MRPS7: variants seen among roughly 807,000 people sequenced by gnomAD.
MRPS7 encodes mitochondrial ribosomal protein S7.
In MRPS7, 13 loss-of-function variants were observed where a neutral mutation model predicts 26.2. The observed-to-expected ratio is 0.50, with a 90% CI of 0.32 to 0.79. The LOEUF (loss-of-function observed/expected upper bound fraction) is 0.79. MRPS7 is among the 30% of genes least tolerant of loss of function. The pLI is 0.03. For missense variants in MRPS7, 318 were observed against 312.2 expected, an observed-to-expected ratio of 1.02 and a Z score of -0.14; for synonymous variants, 129 against 113.3, an observed-to-expected ratio of 1.14 and a Z score of -0.88.
intron 3 of MRPS7, 68 bp downstream of exon 3, chr17:75,262,935 T>G: frequency 6.8e-7 from 1 of 1,468,856 alleles, no homozygotes; most frequent in Non-Finnish European, 9.5e-7. Flanking sequence ...ACTTGGTACT[T>G]TCAGTGTAGC....
chr17:75,262,253 G>T, intron 1 of MRPS7: 1 of 634,570 alleles, frequency 1.6e-6, no homozygotes, highest in South Asian at 1.9e-5. Flanking sequence ...GAATTGGGAT[G>T]GGTGTGTAGG....
At chr17:75,264,596 C>T (rs1177309063) in intron 4 of MRPS7, 1 of 151,998 alleles carries the variant, frequency 6.6e-6, no homozygotes, top group Non-Finnish European at 1.5e-5. Flanking sequence ...TAGTGAGGGC[C>T]TGACAAATGA....
At chr17:75,265,103 G>A (rs547638560) in intron 4 of MRPS7, among the ~76,000 whole-genome samples, 4 of 151,966 alleles carry the variant, frequency 2.6e-5, no homozygotes, top group Admixed American at 2.0e-4. Flanking sequence ...GTGCAGTGGT[G>A]CATTCTTGGC....
Position 75,265,964 on chromosome 17 carries a change from A to G in MRPS7, c.*41A>G. ...CCCAGGGCCCTCTGCCGCAAGAAACAGTGTGAGCTACTGCCACGCTGAAAA... is the reference window on the plus strand; with the variant it reads ...CCCAGGGCCCTCTGCCGCAAGAAACGGTGTGAGCTACTGCCACGCTGAAAA... On this transcript the variant is annotated 3_prime_UTR_variant, in exon 5 of 5. Transcript: ENST00000245539. The G allele has an allele frequency of 6.3e-7, 1 of 1,586,170 alleles. No individual in the cohort carries two copies. Among genetic ancestry groups the G allele is most frequent in the Non-Finnish European group, 8.6e-7 (1 of 1,158,752 alleles).
chr17:75,265,963 CAG>C lies in MRPS7; in HGVS notation c.*41_*42del, dbSNP rs1244095289. 1.3e-6 allele frequency: 2 copies of C among 1,588,004 alleles called. No individual in the cohort carries two copies. Among genetic ancestry groups the C allele is most frequent in the Admixed American group, 1.7e-5 (1 of 59,492 alleles). On this transcript the variant is annotated 3_prime_UTR_variant, in exon 5 of 5. Transcript: ENST00000245539. ...GCCCAGGGCCCTCTGCCGCAAGAAA[CAG>C]TGTGAGCTACTGCCACGCTGAAAAC...
At position 75,261,893 on chromosome 17, in the gene MRPS7, C is replaced by T. The variant is rs745826565; in HGVS notation, c.-8C>T. On this transcript the variant is annotated 5_prime_UTR_variant, in exon 1 of 5. Coordinates refer to ENST00000245539, the MANE Select transcript of MRPS7 (RefSeq NM_015971.4). Reference sequence around the variant, plus strand: ...GCAGTCCTTGTGGGGTCCTCGTGGCCAGCCAAGATGGCTGCCCCCGCAGTG... The same window carrying T: ...GCAGTCCTTGTGGGGTCCTCGTGGCTAGCCAAGATGGCTGCCCCCGCAGTG... 2 of 1,607,728 alleles carry T rather than the reference C, an allele frequency of 1.2e-6. No individual in the cohort carries two copies. The highest frequency in any genetic ancestry group is 1.3e-5 in the African/African-American group (1 of 74,922).
In MRPS7 at chr17:75,266,122, C is replaced by T; in HGVS notation, c.*199C>T. The T allele has an allele frequency of 1.7e-6, 1 of 597,466 alleles. No homozygotes were observed. 37.0% of individuals were successfully genotyped at this position (597,466 alleles called of 1,614,324 possible). A position where few individuals can be genotyped will look rare whatever the true frequency, so the allele number is the denominator to read the frequency against. On this transcript the variant is annotated 3_prime_UTR_variant, in exon 5 of 5. Transcript: ENST00000245539. ...AACTTGCTCTCTCTGCCCCTATTTC[C>T]TTGTAAAGAGGGAGCACATTGACTT...
Position 75,265,688 on chromosome 17 carries a change from C to T in MRPS7, c.508-14C>T. The T allele has an allele frequency of 6.2e-7, 1 of 1,611,598 alleles. No homozygotes were observed. Among genetic ancestry groups the T allele is most frequent in the Non-Finnish European group, 8.5e-7 (1 of 1,178,216 alleles). ...GACTCTTGGACCAACTTGCCTATGT[C>T]CTGTCTCACCCAGGTCCCTGTACCC... On this transcript the variant is annotated splice_polypyrimidine_tract_variant and intron_variant, in intron 4 of 4. Coordinates refer to ENST00000245539, the MANE Select transcript of MRPS7 (RefSeq NM_015971.4).
In MRPS7 at chr17:75,265,955, G is replaced by C; in HGVS notation, c.*32G>C. On this transcript the variant is annotated 3_prime_UTR_variant, in exon 5 of 5. Transcript: ENST00000245539. ...CAGGAGGAGCCCAGGGCCCTCTGCCGCAAGAAACAGTGTGAGCTACTGCCA... is the reference window on the plus strand; with the variant it reads ...CAGGAGGAGCCCAGGGCCCTCTGCCCCAAGAAACAGTGTGAGCTACTGCCA... The C allele has an allele frequency of 6.3e-7, 1 of 1,596,188 alleles. No homozygotes were observed. Among genetic ancestry groups the C allele is most frequent in the African/African-American group, 1.3e-5 (1 of 74,654 alleles).
Position 75,266,015 on chromosome 17 carries a change from C to T in MRPS7, c.*92C>T. ...CTACCTGTGGGTTAAGGATGTAGTTCCTTTGTAAGGGTGGGCAGGCCTCGT... is the reference window on the plus strand; with the variant it reads ...CTACCTGTGGGTTAAGGATGTAGTTTCTTTGTAAGGGTGGGCAGGCCTCGT... On this transcript the variant is annotated 3_prime_UTR_variant, in exon 5 of 5. Transcript: ENST00000245539. The T allele has an allele frequency of 8.3e-7, 1 of 1,208,630 alleles. No individual in the cohort carries two copies. The highest frequency in any genetic ancestry group is 1.2e-6 in the Non-Finnish European group (1 of 844,122). 74.9% of individuals were successfully genotyped at this position (1,208,630 alleles called of 1,614,324 possible). A position where few individuals can be genotyped will look rare whatever the true frequency, so the allele number is the denominator to read the frequency against.
Position 75,265,861 on chromosome 17 carries a change from A to G in MRPS7, c.667A>G (p.Lys223Glu). 6.2e-7 allele frequency: 1 copy of G among 1,614,102 alleles called. No homozygotes were observed. The highest frequency in any genetic ancestry group is 8.5e-7 in the Non-Finnish European group (1 of 1,180,032). ...TAACCAGGGCCCCGTGATCAAGAGG[A>G]AGCATGACTTGCACAAGATGGCAGA... ...FHNQGPVIKRKHDLHKMAEAN... is the reference protein window; with the variant it reads ...FHNQGPVIKREHDLHKMAEAN... The change falls in exon 5 of 5, where the codon AAG becomes GAG. Residue 223 changes from lysine (K) to glutamate (E), a missense_variant. By Grantham distance (56) the Lys-to-Glu change is moderately conservative (BLOSUM62 1). Transcript: ENST00000245539.
At position 75,265,803 on chromosome 17, in the gene MRPS7, G is replaced by C; in HGVS notation, c.609G>C (p.Glu203Asp). Residue 203 changes from glutamate (E) to aspartate (D), a missense_variant, in exon 5 of 5, where the codon GAG (glutamate) becomes GAC (aspartate). Transcript: ENST00000245539. ...DKKHQRTLMPEKLSHKLLEAF... is the reference protein window; with the variant it reads ...DKKHQRTLMPDKLSHKLLEAF... The stretch of plus-strand genomic sequence containing the variant: ...AGCACCAGCGGACACTGATGCCGGA[G>C]AAGCTGTCACACAAGCTGCTGGAGG... 2.5e-6 allele frequency: 4 copies of C among 1,614,210 alleles called. No homozygotes were observed. The highest frequency in any genetic ancestry group is 3.4e-6 in the Non-Finnish European group (4 of 1,180,048).
intron 1 of MRPS7, chr17:75,262,261 A>G (rs2077414768): frequency 1.6e-6 from 1 of 639,246 alleles, no homozygotes; most frequent in Admixed American, 2.9e-5. Context: ...ATGGGTGTGT[A>G]GGCGCCAAGC....
chr17:75,263,401 A>G lies in MRPS7; in HGVS notation c.401A>G (p.Gln134Arg), dbSNP rs1432882411. 2 of 1,614,038 alleles carry G rather than the reference A, an allele frequency of 1.2e-6. No homozygotes were observed. Among genetic ancestry groups the G allele is most frequent in the East Asian group, 2.2e-5 (1 of 44,894 alleles). ...TACCATGCCGCTTCTGCAGAGGAACAGGCAACCATCGAACGCAACCCCTAC... is the reference window on the plus strand; with the variant it reads ...TACCATGCCGCTTCTGCAGAGGAACGGGCAACCATCGAACGCAACCCCTAC... ...EKYHAASAEE[Q>R]ATIERNPYTI... The change falls in exon 4 of 5, where the codon CAG becomes CGG. Residue 134 changes from glutamine (Q) to arginine (R), a missense_variant. Coordinates refer to ENST00000245539, the MANE Select transcript of MRPS7 (RefSeq NM_015971.4).
chr17:75,262,428 A>G (rs914707772), intron 1 of MRPS7, 69 bp from the exon 2 acceptor site: 17 of 1,532,606 alleles, frequency 1.1e-5, no homozygotes, highest in Admixed American at 1.9e-5. Context: ...AGTCATGCCT[A>G]TTGTTAAGTC....
chr17:75,264,903 G>A (rs1387949820), intron 4 of MRPS7, among the ~76,000 whole-genome samples: 1 of 151,644 alleles, frequency 6.6e-6, no homozygotes, highest in African/African-American at 2.4e-5. Context: ...TCTGAAGACT[G>A]AAGGGGTCTT....
chr17:75,266,158 T>G lies in MRPS7; in HGVS notation c.*235T>G, dbSNP rs2077479024. The G allele has an allele frequency of 7.2e-6, 4 of 555,028 alleles. No individual in the cohort carries two copies. Among genetic ancestry groups the G allele is most frequent in the Non-Finnish European group, 1.3e-5 (4 of 310,864 alleles). The allele number at this position is 555,028 out of a possible 1,614,324, so 34.4% of individuals were successfully genotyped here. ...GGAGCACATTGACTTGGGAATTTCC[T>G]CCAGGAAACTCAGGGCTGTTTTCTC... On this transcript the variant is annotated 3_prime_UTR_variant, in exon 5 of 5. Transcript: ENST00000245539.
At position 75,264,773 on chromosome 17, in the gene MRPS7, G is replaced by A. The variant is rs190298135; in HGVS notation, c.508-929G>A. On this transcript the variant is annotated intron_variant, in intron 4 of 4. Transcript: ENST00000245539. ...CGGCTCACTGCAGCCTCCGCCTCCC[G>A]GGTTCAAGAGATTCTCCTGTCTCAG... Among the ~76,000 whole-genome samples the A allele has an allele frequency of 5.0e-4, 75 of 150,106 alleles. 1 individual carries two copies. The highest frequency in any genetic ancestry group is 1.7e-3 in the African/African-American group (70 of 40,752).
In MRPS7 at chr17:75,266,133, G is replaced by A. The variant is rs1204038253; in HGVS notation, c.*210G>A. 1 of 582,912 alleles carries A rather than the reference G, an allele frequency of 1.7e-6. No homozygotes were observed. The highest frequency in any genetic ancestry group is 2.1e-5 in the South Asian group (1 of 48,282). 36.1% of individuals were successfully genotyped at this position (582,912 alleles called of 1,614,324 possible). On this transcript the variant is annotated 3_prime_UTR_variant, in exon 5 of 5. Transcript: ENST00000245539. The stretch of plus-strand genomic sequence containing the variant: ...TCTGCCCCTATTTCCTTGTAAAGAG[G>A]GAGCACATTGACTTGGGAATTTCCT...
Sources: allele counts gnomAD v4.1 joint callset (sites outside exome capture counted in the v4.1 genomes callset), GRCh38; gene constraint gnomAD v4.1.1; transcripts MANE v1.5; gene names NCBI Gene and HGNC (gene_info 2026-07-23, HGNC 2026-07-21).